FOXP2: variants seen among roughly 807,000 people sequenced by gnomAD.
FOXP2 encodes forkhead box P2.
FOXP2 carries 12 observed loss-of-function variants against 115.8 expected under a neutral mutation model. The observed-to-expected ratio is 0.10, with a 90% CI of 0.07 to 0.17. FOXP2 has a LOEUF of 0.17. FOXP2 is among the 10% of genes least tolerant of loss of function. FOXP2 has a pLI of 1.00. For missense variants in FOXP2, 629 were observed against 843.5 expected, an observed-to-expected ratio of 0.75 and a Z score of 3.15; for synonymous variants, 328 against 297.7, an observed-to-expected ratio of 1.10 and a Z score of -1.05.
At chr7:114,276,138 C>T (rs1796181667) in intron 1 of FOXP2, among the ~76,000 whole-genome samples, 1 of 152,032 alleles carries the variant, frequency 6.6e-6, no homozygotes, top group African/African-American at 2.4e-5. Context: ...GAACAGAGTG[C>T]TCTGGCATAT....
chr7:114,305,753 G>A (rs1038164810), intron 2 of FOXP2, among the ~76,000 whole-genome samples: 3 of 152,054 alleles, frequency 2.0e-5, no homozygotes, highest in Non-Finnish European at 2.9e-5. Context: ...AGTTTACTGT[G>A]TTTGCTCTGT....
chr7:114,091,611 C>T (rs1799545939), intron 1 of FOXP2, among the ~76,000 whole-genome samples: 1 of 151,780 alleles, frequency 6.6e-6, no homozygotes, highest in Admixed American at 6.6e-5. Flanking sequence ...GACATCACCT[C>T]AATTTCATCT....
chr7:114,577,280 CA>C (rs1431948105), intron 3 of FOXP2, among the ~76,000 whole-genome samples: 1 of 151,700 alleles, frequency 6.6e-6, no homozygotes, highest in Non-Finnish European at 1.5e-5. Flanking sequence ...ACCTGAAAAA[CA>C]ACAACAACAA....
At chr7:114,476,406 C>G (rs1796263591) in intron 2 of FOXP2, among the ~76,000 whole-genome samples, 1 of 151,726 alleles carries the variant, frequency 6.6e-6, no homozygotes, top group African/African-American at 2.4e-5. Context: ...TTTTTGTTGA[C>G]TTTGTTGAAG....
chr7:114,606,640 G>A (rs1803348002), intron 3 of FOXP2, among the ~76,000 whole-genome samples: 2 of 152,150 alleles, frequency 1.3e-5, no homozygotes, highest in South Asian at 2.1e-4. Context: ...CCTGATTGGG[G>A]AAATGAGCAT....
At chr7:114,255,251 A>T (rs886233465) in intron 1 of FOXP2, among the ~76,000 whole-genome samples, 1 of 152,170 alleles carries the variant, frequency 6.6e-6, no homozygotes, top group African/African-American at 2.4e-5. Flanking sequence ...GACCCACTTG[A>T]GGAGGCAGTC....
At chr7:114,338,900 C>T (rs1791123093) in intron 2 of FOXP2, among the ~76,000 whole-genome samples, 1 of 150,954 alleles carries the variant, frequency 6.6e-6, no homozygotes, top group Non-Finnish European at 1.5e-5. Flanking sequence ...GATGATGTTT[C>T]TATAATATAG....
At chr7:114,601,393 C>G (rs1469109027) in intron 3 of FOXP2, among the ~76,000 whole-genome samples, 5 of 152,060 alleles carry the variant, frequency 3.3e-5, no homozygotes, top group African/African-American at 7.2e-5. Flanking sequence ...TCAAGGTCAC[C>G]TAGATTTTCT....
chr7:114,350,790 A>T (rs555203485), intron 2 of FOXP2, among the ~76,000 whole-genome samples: 1 of 152,098 alleles, frequency 6.6e-6, no homozygotes, highest in Non-Finnish European at 1.5e-5. Context: ...TCATATTTTT[A>T]TTATATTTCT....
intron 16 of FOXP2, among the ~76,000 whole-genome samples, chr7:114,680,871 A>C (rs1808051995): frequency 6.6e-6 from 1 of 152,224 alleles, no homozygotes; most frequent in Admixed American, 6.5e-5. Context: ...AGATCTTCAG[A>C]TCCAGAAAGG....
chr7:114,330,291 G>T (rs543922425), intron 2 of FOXP2, among the ~76,000 whole-genome samples: 1 of 151,898 alleles, frequency 6.6e-6, no homozygotes, highest in East Asian at 1.9e-4. Context: ...TCTGACTTAT[G>T]AGGCATATAT....
At chr7:114,579,699 A>T (rs1293873738) in intron 3 of FOXP2, among the ~76,000 whole-genome samples, 1 of 152,126 alleles carries the variant, frequency 6.6e-6, no homozygotes, top group East Asian at 1.9e-4. Context: ...TCCTTTTTTA[A>T]TATTGTGTAT....
chr7:114,250,417 A>G (rs140608145), intron 1 of FOXP2, among the ~76,000 whole-genome samples: 13,004 of 152,170 alleles, frequency 0.085, 1,397 homozygotes, highest in African/African-American at 0.25. Context: ...CACCAGCAGT[A>G]TAAAAGTATT....
At chr7:114,118,488 A>G (rs1197077181) in intron 1 of FOXP2, among the ~76,000 whole-genome samples, 1 of 151,162 alleles carries the variant, frequency 6.6e-6, no homozygotes, top group Non-Finnish European at 1.5e-5. Context: ...ATCAGAGTCA[A>G]GCTTTGAAAA....
At chr7:114,440,403 G>C (rs1320745917) in intron 2 of FOXP2, among the ~76,000 whole-genome samples, 3 of 152,074 alleles carry the variant, frequency 2.0e-5, no homozygotes, top group Admixed American at 2.0e-4. Flanking sequence ...GAAAACTTCA[G>C]ATCTCATTCA....
Position 114,433,475 on chromosome 7 carries a change from A to AG in FOXP2, c.168+6796_168+6797insG, listed in dbSNP as rs1195412541. Reference sequence around the variant, plus strand: ...CTGTTTCTCCAAAGTTGTATCTCAGAAATATTGTTAATATTCTGAATATTT... The same window carrying AG: ...CTGTTTCTCCAAAGTTGTATCTCAGAGAATATTGTTAATATTCTGAATATTT... On this transcript the variant is annotated intron_variant, in intron 2 of 16. Transcript: ENST00000350908. Among the ~76,000 whole-genome samples the AG allele has an allele frequency of 2.6e-5, 4 of 152,140 alleles. No homozygotes were observed. In the East Asian group the frequency reaches 7.7e-4, roughly 29 times the overall value.
rs191679897 is a variant in FOXP2 at position 114,205,406 on chromosome 7, G to A, written c.-102+42318G>A. Reference sequence around the variant, plus strand: ...GCAAGTTGGTAAGAATCAGATGACCGTGTGGAGTAAATGATTCATTTTCCA... The same window carrying A: ...GCAAGTTGGTAAGAATCAGATGACCATGTGGAGTAAATGATTCATTTTCCA... On this transcript the variant is annotated intron_variant, in intron 1 of 17. Transcript: ENST00000634411. Among the ~76,000 whole-genome samples the A allele has an allele frequency of 6.8e-4, 104 of 152,288 alleles. No individual in the cohort carries two copies. In the East Asian group the frequency reaches 0.014, roughly 21 times the overall value.
rs138264768 is a variant in FOXP2 at position 114,334,185 on chromosome 7, T to G, written c.-11+46076T>G. ...TTATACATTCAATAGAAAAGAAATG[T>G]GCGGTAGATCAACTGTGTATCATTG... is the stretch of plus-strand genomic sequence containing the variant. On this transcript the variant is annotated intron_variant, in intron 2 of 17. Coordinates refer to the FOXP2 transcript ENST00000634411. Among the ~76,000 whole-genome samples, 225 of 152,280 alleles carry G rather than the reference T, an allele frequency of 1.5e-3. 1 individual carries two copies. Among genetic ancestry groups the G allele is most frequent in the African/African-American group, 5.1e-3 (210 of 41,554 alleles).
At chr7:114,352,223 C>T (rs1413873894) in intron 2 of FOXP2, among the ~76,000 whole-genome samples, 2 of 151,890 alleles carry the variant, frequency 1.3e-5, no homozygotes, top group African/African-American at 2.4e-5. Context: ...GCCATGGTCA[C>T]ACCACTGCAG....
Sources: allele counts gnomAD v4.1 joint callset (sites outside exome capture counted in the v4.1 genomes callset), GRCh38; gene constraint gnomAD v4.1.1; transcripts MANE v1.5; gene names NCBI Gene and HGNC (gene_info 2026-07-23, HGNC 2026-07-21).